Variants in ARHGAP29 observed in about 807,000 individuals in gnomAD.
ARHGAP29 encodes the protein Rho GTPase activating protein 29.
ARHGAP29 carries 43 observed loss-of-function variants against 122.6 expected under a neutral mutation model. The ratio of observed to expected loss-of-function variants is 0.35; its 90% CI spans 0.27 to 0.45. The LOEUF (loss-of-function observed/expected upper bound fraction) is 0.45. Ranked by LOEUF, ARHGAP29 falls within the 20% of genes least tolerant of loss-of-function variation. The pLI, the probability that ARHGAP29 is intolerant of heterozygous loss-of-function variation, is 1.00. For synonymous variants in ARHGAP29, 506 were observed against 497.1 expected, an observed-to-expected ratio of 1.02 and a Z score of -0.24; for missense variants, 1,303 against 1,477.2, an observed-to-expected ratio of 0.88 and a Z score of 1.93.
intron 12 of ARHGAP29, chr1:94,190,308 G>C (rs1557847929): frequency 2.5e-6 from 1 of 403,058 alleles, no homozygotes; most frequent in East Asian, 4.2e-5. Flanking sequence ...AGCAAAACTG[G>C]CTTTTAGCTG....
In ARHGAP29 at chr1:94,209,367, G is replaced by A. The variant is rs1276106661; in HGVS notation, c.341-17C>T. The A allele has an allele frequency of 5.2e-6, 8 of 1,533,774 alleles. No homozygotes were observed. The South Asian group carries it at 8.2e-5, about 16-fold the overall frequency. ...AGTTCACAGCTGTAAGGAAAAGTTG[G>A]TTACAATAAGGAAAAACATACTTTA... On this transcript the variant is annotated splice_polypyrimidine_tract_variant and intron_variant, in intron 3 of 22. Transcript: ENST00000260526.
At chr1:94,306,384 C>T in the ARHGAP29 span, among the ~76,000 whole-genome samples, 7 of 152,152 alleles carry the variant, frequency 4.6e-5, no homozygotes, top group South Asian at 1.2e-3. Context: ...CCCTCATGGC[C>T]GTGAACTTCA....
intron 3 of ARHGAP29, among the ~76,000 whole-genome samples, chr1:94,213,572 T>C (rs577450141): frequency 2.6e-5 from 4 of 152,184 alleles, no homozygotes; most frequent in Non-Finnish European, 5.9e-5. Context: ...AGATGATACA[T>C]AAATGGATAA....
chr1:94,210,548 G>A (rs1441086790), intron 3 of ARHGAP29, among the ~76,000 whole-genome samples: 1 of 152,180 alleles, frequency 6.6e-6, no homozygotes, highest in Non-Finnish European at 1.5e-5. Flanking sequence ...TAGATTGGCA[G>A]GTGGGAGGCT....
chr1:94,312,981 A>G, the ARHGAP29 span, among the ~76,000 whole-genome samples: 1 of 152,194 alleles, frequency 6.6e-6, no homozygotes, highest in East Asian at 1.9e-4. Flanking sequence ...TTAAAATTCC[A>G]GTATGGGCCC....
the ARHGAP29 span, among the ~76,000 whole-genome samples, chr1:94,298,873 T>A: frequency 1.3e-5 from 2 of 152,138 alleles, no homozygotes; most frequent in East Asian, 3.9e-4. Flanking sequence ...ATAAACACAA[T>A]GCTACTGAAG....
In ARHGAP29 at chr1:94,177,728, T is replaced by A; in HGVS notation, c.2797-8A>T. 1 of 1,599,878 alleles carries A rather than the reference T, an allele frequency of 6.3e-7. No individual in the cohort carries two copies. Among genetic ancestry groups the A allele is most frequent in the Middle Eastern group, 1.7e-4 (1 of 5,990 alleles). ...CTCTGAAGTATGGATATCCTGTTGA[T>A]GCAAGATAATTTTTAAAATGGAAGA... On this transcript the variant is annotated splice_region_variant and splice_polypyrimidine_tract_variant and intron_variant, in intron 21 of 22. Coordinates refer to ENST00000260526, the MANE Select transcript of ARHGAP29 (RefSeq NM_004815.4).
At chr1:94,295,181 T>G in the ARHGAP29 span, among the ~76,000 whole-genome samples, 1 of 152,206 alleles carries the variant, frequency 6.6e-6, no homozygotes, top group South Asian at 2.1e-4. Context: ...TAACAATTTG[T>G]GTCTGGTCTA....
chr1:94,201,033 T>C (rs1031795255), intron 12 of ARHGAP29, among the ~76,000 whole-genome samples: 1 of 152,198 alleles, frequency 6.6e-6, no homozygotes, highest in Non-Finnish European at 1.5e-5. Flanking sequence ...TGTAATTAAT[T>C]TTACGAAAAA....
intron 14 of ARHGAP29, 76 bp from the exon 15 acceptor site, chr1:94,189,017 T>TGAGA (rs1047854517): frequency 2.8e-6 from 4 of 1,449,730 alleles, no homozygotes; most frequent in Non-Finnish European, 3.8e-6. Flanking sequence ...TTCTATCAAG[T>TGAGA]GAGACAATTC....
chr1:94,205,655 ACT>A lies in ARHGAP29; in HGVS notation c.537_538del (p.Val180GlyfsTer5). The A allele has an allele frequency of 6.2e-7, 1 of 1,612,764 alleles. No individual in the cohort carries two copies. Among genetic ancestry groups the A allele is most frequent in the Non-Finnish European group, 8.5e-7 (1 of 1,179,382 alleles). On this transcript the variant is annotated frameshift_variant, in exon 6 of 23. Coordinates refer to ENST00000260526, the MANE Select transcript of ARHGAP29 (RefSeq NM_004815.4). LOFTEE classifies it high-confidence loss of function. Reference sequence around the variant, plus strand: ...ATTACCTTTTTCACTGGATGAGTCCACTGATTCCACAGAAACATTTTCAAACG... The same window carrying A: ...ATTACCTTTTTCACTGGATGAGTCCAGATTCCACAGAAACATTTTCAAACG...
At chr1:94,241,335 G>A (rs1293764206), upstream of ARHGAP29, among the ~76,000 whole-genome samples, 2 of 152,172 alleles carry the variant, frequency 1.3e-5, no homozygotes, top group African/African-American at 4.8e-5. Context: ...ATCAAATGCA[G>A]CCAGGTGCGG....
intron 19 of ARHGAP29, 100 bp downstream of exon 19, chr1:94,184,051 C>G: frequency 7.7e-7 from 1 of 1,302,512 alleles, no homozygotes; most frequent in East Asian, 2.3e-5. Flanking sequence ...ACCGTCTATG[C>G]CAATGAAAAA....
chr1:94,180,019 T>C (rs972259819), intron 19 of ARHGAP29, 62 bp from the exon 20 acceptor site: 1 of 1,099,088 alleles, frequency 9.1e-7, no homozygotes, highest in Non-Finnish European at 1.3e-6. Flanking sequence ...AATCAACTAT[T>C]ACTAACAGTT....
rs765861631 is a variant in ARHGAP29 at position 94,174,354 on chromosome 1, C to T, written c.3301G>A (p.Ala1101Thr). The T allele has an allele frequency of 2.5e-6, 4 of 1,614,172 alleles. No homozygotes were observed. In the Admixed American group the frequency reaches 6.7e-5, roughly 27 times the overall value. The part of the protein sequence containing the change: ...TAKTTMIMPS[A>T]LQEKGVTTSL... Reference sequence around the variant, plus strand: ...GTTGTCACTCCTTTTTCCTGGAGTGCACTGGGCATGATCATTGTAGTCTTG... The same window carrying T: ...GTTGTCACTCCTTTTTCCTGGAGTGTACTGGGCATGATCATTGTAGTCTTG... The change falls in exon 23 of 23, where the codon GCA becomes ACA. Residue 1101 changes from alanine to threonine, a missense_variant. Ala to Thr is a moderately conservative substitution (Grantham distance 58). Coordinates refer to ENST00000260526, the MANE Select transcript of ARHGAP29 (RefSeq NM_004815.4).
intron 12 of ARHGAP29, chr1:94,196,006 T>A (rs1650428640): frequency 6.6e-6 from 1 of 152,112 alleles, no homozygotes; most frequent in African/African-American, 2.4e-5. Flanking sequence ...CAAAAACTGA[T>A]AGAACTAAAA....
At chr1:94,183,504 G>A (rs1168903984) in intron 19 of ARHGAP29, among the ~76,000 whole-genome samples, 1 of 151,882 alleles carries the variant, frequency 6.6e-6, no homozygotes, top group Non-Finnish European at 1.5e-5. Context: ...AAAAAAAAAA[G>A]AGCAGTCTAC....
intron 3 of ARHGAP29, among the ~76,000 whole-genome samples, chr1:94,210,731 A>G (rs966314357): frequency 1.3e-5 from 2 of 152,156 alleles, no homozygotes; most frequent in South Asian, 4.2e-4. Context: ...CAACTAAAAG[A>G]CACTCAAATA....
chr1:94,190,036 A>C lies in ARHGAP29; in HGVS notation c.1329T>G (p.Leu443=), dbSNP rs1239632528. ...CACAGAGAGACTGTAAACTGTCTGC[A>C]AGGGAAGCAGCCTGCAGATGCTGCA... is the stretch of plus-strand genomic sequence containing the variant. The part of the protein sequence containing the change: ...FHMQHLQAAS[L]ADSLQSLCDS... Residue 443 remains leucine (L), a synonymous_variant, in exon 13 of 23, where the codon CTT becomes CTG. Coordinates refer to ENST00000260526, the MANE Select transcript of ARHGAP29 (RefSeq NM_004815.4). 1.2e-6 allele frequency: 2 copies of C among 1,613,482 alleles called. No homozygotes were observed. Among genetic ancestry groups the C allele is most frequent in the Admixed American group, 1.7e-5 (1 of 59,912 alleles).
Sources: allele counts gnomAD v4.1 joint callset (sites outside exome capture counted in the v4.1 genomes callset), GRCh38; gene constraint gnomAD v4.1.1; transcripts MANE v1.5; gene names NCBI Gene and HGNC (gene_info 2026-07-23, HGNC 2026-07-21).